Variants in CFAP43 observed in about 807,000 individuals in gnomAD.
The protein encoded by CFAP43 is cilia- and flagella-associated protein 43.
A neutral mutation model predicts 218.9 loss-of-function variants in CFAP43; 155 were observed. The observed-to-expected ratio is 0.71, with a 90% CI of 0.62 to 0.81. The LOEUF is 0.81. CFAP43 is among the 30% of genes least tolerant of loss of function. The pLI is 0.00. For synonymous variants in CFAP43, 645 were observed against 681.3 expected (o/e 0.95, Z 0.83); for missense variants, 1,778 against 1,954.3 (o/e 0.91, Z 1.70).
At chr10:104,151,469 T>C (rs1254530192) in intron 28 of CFAP43, among the ~76,000 whole-genome samples, 2 of 152,224 alleles carry the variant, frequency 1.3e-5, no homozygotes, top group Non-Finnish European at 2.9e-5. Flanking sequence ...TGGTATTTCA[T>C]TGTGGTTTTG....
Position 104,207,806 on chromosome 10 carries a change from G to A in CFAP43, c.754C>T (p.Pro252Ser), listed in dbSNP as rs759751134. Reference protein sequence around the residue: ...ETFRPKDDLYPLLHPTMHCWT... With the variant: ...ETFRPKDDLYSLLHPTMHCWT... ...CAATGCATAGTCGGGTGAAGCAAAG[G>A]ATATAGATCATCTTTCGGCTTCAGG... The change falls in exon 6 of 38, where the codon CCT becomes TCT. Residue 252 changes from proline (P) to serine (S), a missense_variant. Transcript: ENST00000357060. The A allele has an allele frequency of 1.5e-5, 24 of 1,611,778 alleles. No individual in the cohort carries two copies. Among genetic ancestry groups the A allele is most frequent in the Non-Finnish European group, 2.0e-5 (24 of 1,179,444 alleles).
Position 104,145,504 on chromosome 10 carries a change from G to T in CFAP43, c.3916C>A (p.Leu1306Ile), listed in dbSNP as rs200783624. Residue 1306 changes from leucine (L) to isoleucine (I), a missense_variant, in exon 31 of 38, where the codon CTC (leucine) becomes ATC (isoleucine). Transcript: ENST00000357060. ...SEIPGHQVDI[L>I]YKLFKRRPRI... ...GGTCGGCGTTTAAAAAGTTTGTAGA[G>T]TATATCCACTTGATGACCAGGAATT... 9.5e-5 allele frequency: 152 copies of T among 1,605,100 alleles called. 2 individuals carry two copies. The highest frequency in any genetic ancestry group is 1.2e-4 in the Non-Finnish European group (139 of 1,173,644).
At chr10:104,166,208 G>A (rs960421367) in intron 23 of CFAP43, among the ~76,000 whole-genome samples, 7 of 152,056 alleles carry the variant, frequency 4.6e-5, no homozygotes, top group Admixed American at 3.3e-4. Context: ...CGAGTAGCTG[G>A]GATTACAGGC....
chr10:104,178,566 T>C (rs55865430), intron 19 of CFAP43, among the ~76,000 whole-genome samples: 10,160 of 152,148 alleles, frequency 0.067, 370 homozygotes, highest in South Asian at 0.093. Flanking sequence ...AGGACACCCA[T>C]AGTTAGCATC....
chr10:104,182,753 C>T (rs1387130975), intron 16 of CFAP43, among the ~76,000 whole-genome samples: 1 of 151,880 alleles, frequency 6.6e-6, no homozygotes, highest in Admixed American at 6.6e-5. Flanking sequence ...GCTCTGTCAC[C>T]TAGGCTGGAG....
At chr10:104,184,393 C>G (rs1564769306) in intron 16 of CFAP43, among the ~76,000 whole-genome samples, 1 of 151,394 alleles carries the variant, frequency 6.6e-6, no homozygotes, top group Non-Finnish European at 1.5e-5. Flanking sequence ...ATCTGAGGGT[C>G]AGAATTGTCC....
intron 13 of CFAP43, 131 bp downstream of exon 13, chr10:104,188,139 T>C: frequency 8.4e-7 from 1 of 1,189,026 alleles, no homozygotes; most frequent in Non-Finnish European, 1.2e-6. Flanking sequence ...TGGTTTTACT[T>C]TGTAAAGATA....
At chr10:104,145,432 G>A (rs747467756) in intron 31 of CFAP43, 44 bp downstream of exon 31, 23 of 1,393,934 alleles carry the variant, frequency 1.7e-5, no homozygotes, top group Non-Finnish European at 3.0e-6. Flanking sequence ...CTCTTTATTT[G>A]CAAACTTTTT....
intron 12 of CFAP43, among the ~76,000 whole-genome samples, chr10:104,190,226 G>A (rs1229299030): frequency 6.6e-6 from 1 of 151,462 alleles, no homozygotes; most frequent in African/African-American, 2.4e-5. Flanking sequence ...CAGCTACTCA[G>A]GAGGCTGAAG....
intron 23 of CFAP43, 41 bp downstream of exon 23, chr10:104,166,447 G>T (rs1325958361): frequency 1.4e-6 from 2 of 1,454,496 alleles, no homozygotes; most frequent in Non-Finnish European, 1.9e-6. Flanking sequence ...ACCTAATGGG[G>T]AGTCTAGAGA....
intron 8 of CFAP43, among the ~76,000 whole-genome samples, chr10:104,201,492 T>G (rs2090531355): frequency 6.6e-6 from 1 of 152,164 alleles, no homozygotes; most frequent in Non-Finnish European, 1.5e-5. Context: ...CTTTTAGTGG[T>G]TACCTTAGAA....
intron 27 of CFAP43, among the ~76,000 whole-genome samples, chr10:104,158,290 C>T (rs1214903494): frequency 2.0e-5 from 3 of 152,080 alleles, no homozygotes; most frequent in Admixed American, 1.3e-4. Context: ...TTATTACACA[C>T]GAAGGAGAAA....
At chr10:104,206,325 T>C (rs1033115991) in intron 6 of CFAP43, among the ~76,000 whole-genome samples, 5 of 152,012 alleles carry the variant, frequency 3.3e-5, no homozygotes, top group African/African-American at 9.7e-5. Context: ...TGAGGGACAA[T>C]GCAATGGGGA....
At chr10:104,216,687 T>C (rs2091020435) in intron 3 of CFAP43, among the ~76,000 whole-genome samples, 1 of 152,138 alleles carries the variant, frequency 6.6e-6, no homozygotes. Context: ...AGGACTGTCC[T>C]GATTCATAGC....
chr10:104,152,181 C>T lies in CFAP43; in HGVS notation c.3660+426G>A, dbSNP rs181375518. On this transcript the variant is annotated intron_variant, in intron 28 of 37. Transcript: ENST00000357060. ...ACAAGACAGACTTAGTCTCTACCCTCATGGAGCATCTAGTCTTGAAAGCAT... is the reference window on the plus strand; with the variant it reads ...ACAAGACAGACTTAGTCTCTACCCTTATGGAGCATCTAGTCTTGAAAGCAT... 9.0e-4 allele frequency among the ~76,000 whole-genome samples: 137 copies of T among 152,248 alleles called. 1 individual carries two copies. The highest frequency in any genetic ancestry group is 3.2e-3 in the African/African-American group (132 of 41,530).
chr10:104,184,931 T>C, intron 16 of CFAP43, 85 bp downstream of exon 16: 1 of 1,533,794 alleles, frequency 6.5e-7, no homozygotes, highest in Non-Finnish European at 8.7e-7. Context: ...CCCAGCACGT[T>C]GGCCTTGCTG....
Position 104,146,332 on chromosome 10 carries a change from A to G in CFAP43, c.3786T>C (p.Ala1262=), listed in dbSNP as rs1386329262. 2 of 1,613,584 alleles carry G rather than the reference A, an allele frequency of 1.2e-6. No individual in the cohort carries two copies. The highest frequency in any genetic ancestry group is 1.7e-6 in the Non-Finnish European group (2 of 1,179,704). The change falls in exon 30 of 38, where the codon GCT becomes GCC. Residue 1262 remains alanine, a synonymous_variant. Coordinates refer to ENST00000357060, the MANE Select transcript of CFAP43 (RefSeq NM_025145.7). Reference sequence around the variant, plus strand: ...CCAGGTCTTCTCTAGATTTCCGAACAGCTTCTGAAGTCTGGCTCTATAACA... The same window carrying G: ...CCAGGTCTTCTCTAGATTTCCGAACGGCTTCTGAAGTCTGGCTCTATAACA... The part of the protein sequence containing the change: ...KQHEKSQTSE[A]VRKSREDLDV...
At chr10:104,220,898 A>C (rs941433735) in intron 3 of CFAP43, among the ~76,000 whole-genome samples, 1 of 152,154 alleles carries the variant, frequency 6.6e-6, no homozygotes, top group South Asian at 2.1e-4. Context: ...TCACATATCT[A>C]ACCTAGAAAT....
chr10:104,166,309 C>G (rs533128292), intron 23 of CFAP43, among the ~76,000 whole-genome samples, 179 bp downstream of exon 23: 1 of 152,080 alleles, frequency 6.6e-6, no homozygotes, highest in African/African-American at 2.4e-5. Flanking sequence ...CTTGACCTCA[C>G]GATCTGACTG....
Sources: allele counts gnomAD v4.1 joint callset (sites outside exome capture counted in the v4.1 genomes callset), GRCh38; gene constraint gnomAD v4.1.1; transcripts MANE v1.5; gene names NCBI Gene and HGNC (gene_info 2026-07-23, HGNC 2026-07-21).